Variants in KIAA1549L observed in about 807,000 individuals in gnomAD.
KIAA1549L encodes UPF0606 protein KIAA1549L.
A neutral mutation model predicts 160.7 loss-of-function variants in KIAA1549L; 88 were observed. The ratio of observed to expected loss-of-function variants is 0.55; its 90% CI spans 0.46 to 0.65. KIAA1549L has a LOEUF of 0.65. Ranked by LOEUF, KIAA1549L falls within the 30% of genes least tolerant of loss-of-function variation. KIAA1549L has a pLI of 0.00. For missense variants in KIAA1549L, 2,258 were observed against 2,437.5 expected (o/e 0.93, Z 1.55); for synonymous variants, 950 against 976.7 (o/e 0.97, Z 0.51).
intron 1 of KIAA1549L, among the ~76,000 whole-genome samples, chr11:33,445,866 A>G (rs2132957777): frequency 6.6e-6 from 1 of 152,334 alleles, no homozygotes; most frequent in Non-Finnish European, 1.5e-5. Flanking sequence ...GGGACACAAC[A>G]GGAAGACAGC....
chr11:33,412,994 C>T (rs1850813258), intron 1 of KIAA1549L, among the ~76,000 whole-genome samples: 1 of 152,092 alleles, frequency 6.6e-6, no homozygotes, highest in East Asian at 1.9e-4. Flanking sequence ...GTAATAAATA[C>T]ATGATCTTGG....
Position 33,661,011 on chromosome 11 carries a change from T to A in KIAA1549L, c.6156T>A (p.Asp2052Glu), listed in dbSNP as rs369805716. 21 of 1,608,124 alleles carry A rather than the reference T, an allele frequency of 1.3e-5. No individual in the cohort carries two copies. The highest frequency in any genetic ancestry group is 1.5e-5 in the Non-Finnish European group (18 of 1,177,124). ...GENELPSQWADSVPLPGYIEA... is the reference protein window; with the variant it reads ...GENELPSQWAESVPLPGYIEA... ...ATGAGCTCCCGAGCCAGTGGGCAGATTCGGTGAGACCCTTGCTCTTCACCT... is the reference window on the plus strand; with the variant it reads ...ATGAGCTCCCGAGCCAGTGGGCAGAATCGGTGAGACCCTTGCTCTTCACCT... The change falls in exon 20 of 21, where the codon GAT (aspartate) becomes GAA (glutamate). Residue 2052 changes from aspartate (D) to glutamate (E), a missense_variant. Coordinates refer to ENST00000658780, the MANE Select transcript of KIAA1549L (RefSeq NM_012194.3).
intron 10 of KIAA1549L, among the ~76,000 whole-genome samples, chr11:33,579,252 G>T (rs1855556577): frequency 6.6e-6 from 1 of 152,100 alleles, no homozygotes; most frequent in African/African-American, 2.4e-5. Flanking sequence ...TGCAGTCCTG[G>T]GGCACCTGTT....
intron 1 of KIAA1549L, among the ~76,000 whole-genome samples, chr11:33,535,443 C>T (rs760669731): frequency 3.9e-5 from 6 of 152,012 alleles, no homozygotes; most frequent in Admixed American, 2.0e-4. Context: ...GAGGTCATGG[C>T]GGGAAGATCA....
At chr11:33,561,153 T>C (rs183862852) in intron 7 of KIAA1549L, among the ~76,000 whole-genome samples, 195 of 152,334 alleles carry the variant, frequency 1.3e-3, no homozygotes, top group African/African-American at 4.5e-3. Flanking sequence ...TGAAAAAATC[T>C]ATCCAGGAGA....
chr11:33,529,809 C>G (rs1165079838), intron 1 of KIAA1549L, among the ~76,000 whole-genome samples: 2 of 152,120 alleles, frequency 1.3e-5, no homozygotes, highest in African/African-American at 4.8e-5. Context: ...AGCTATCATA[C>G]TAAGCAGAAA....
chr11:33,394,395 A>T (rs200540905), intron 1 of KIAA1549L, among the ~76,000 whole-genome samples: 7 of 57,624 alleles, frequency 1.2e-4, no homozygotes, highest in East Asian at 5.4e-4. Context: ...CATAAATAAT[A>T]AATAAATAAA....
At chr11:33,577,066 C>A (rs1855474594) in intron 10 of KIAA1549L, among the ~76,000 whole-genome samples, 1 of 152,094 alleles carries the variant, frequency 6.6e-6, no homozygotes, top group South Asian at 2.1e-4. Flanking sequence ...AGGACACTGA[C>A]CAGGAGCAGC....
At chr11:33,385,353 T>C (rs1373208791) in intron 1 of KIAA1549L, among the ~76,000 whole-genome samples, 1 of 152,232 alleles carries the variant, frequency 6.6e-6, no homozygotes, top group South Asian at 2.1e-4. Flanking sequence ...ACGTCAGCAC[T>C]ATTAACATTT....
chr11:33,506,179 A>C (rs1057387171), intron 1 of KIAA1549L, among the ~76,000 whole-genome samples: 7 of 152,142 alleles, frequency 4.6e-5, no homozygotes, highest in African/African-American at 1.4e-4. Flanking sequence ...TTCTGGAAAG[A>C]GCTCTGCACC....
chr11:33,465,222 A>G, intron 1 of KIAA1549L, among the ~76,000 whole-genome samples: 1 of 151,290 alleles, frequency 6.6e-6, no homozygotes, highest in Non-Finnish European at 1.5e-5. Context: ...ATGCCTTGCT[A>G]TTTTGTATTT....
chr11:33,445,041 A>T (rs1851583240), intron 1 of KIAA1549L, among the ~76,000 whole-genome samples: 1 of 152,216 alleles, frequency 6.6e-6, no homozygotes. Flanking sequence ...AAGTCCAGGG[A>T]TGCAGAAATA....
At position 33,628,916 on chromosome 11, in the gene KIAA1549L, G is replaced by A. The variant is rs536449896; in HGVS notation, c.5409+10254G>A. ...TACATTTTGGCATGATTTTGCATCG[G>A]CTGGTACCGGTTGTTCCTTTCCATG... On this transcript the variant is annotated intron_variant, in intron 16 of 20. Coordinates refer to ENST00000658780, the MANE Select transcript of KIAA1549L (RefSeq NM_012194.3). Among the ~76,000 whole-genome samples, 7 of 151,846 alleles carry A rather than the reference G, an allele frequency of 4.6e-5. No homozygotes were observed. In the East Asian group the frequency reaches 1.3e-3, roughly 29 times the overall value.
intron 13 of KIAA1549L, among the ~76,000 whole-genome samples, chr11:33,600,732 A>G (rs1265877575): frequency 6.6e-6 from 1 of 152,194 alleles, no homozygotes; most frequent in Non-Finnish European, 1.5e-5. Flanking sequence ...ATACACATGT[A>G]TCTTTGTTTT....
chr11:33,424,120 T>C (rs1851072180), intron 1 of KIAA1549L, among the ~76,000 whole-genome samples: 1 of 151,712 alleles, frequency 6.6e-6, no homozygotes, highest in African/African-American at 2.4e-5. Flanking sequence ...ATCAAAGCAA[T>C]GGCTAGCAAG....
At chr11:33,617,555 AGAGAGGCCTTCCCT>A (rs1564926258) in intron 15 of KIAA1549L, among the ~76,000 whole-genome samples, 1 of 152,210 alleles carries the variant, frequency 6.6e-6, no homozygotes, top group Admixed American at 6.5e-5. Context: ...TCACCTCCCC[AGAGAGGCCTTCCCT>A]GATCATCCTA....
At chr11:33,534,294 G>A (rs955944208) in intron 1 of KIAA1549L, among the ~76,000 whole-genome samples, 1 of 150,514 alleles carries the variant, frequency 6.6e-6, no homozygotes, top group African/African-American at 2.5e-5. Flanking sequence ...GTTTCACCGT[G>A]TTGGTCAGGC....
intron 1 of KIAA1549L, among the ~76,000 whole-genome samples, chr11:33,416,103 C>G (rs1002581648): frequency 6.6e-6 from 1 of 152,076 alleles, no homozygotes; most frequent in Admixed American, 6.6e-5. Context: ...CCCCAGACAC[C>G]ATAGGGGGAG....
intron 12 of KIAA1549L, among the ~76,000 whole-genome samples, chr11:33,596,589 A>T (rs1049919127): frequency 6.6e-6 from 1 of 152,162 alleles, no homozygotes; most frequent in African/African-American, 2.4e-5. Flanking sequence ...ATACTAAAAA[A>T]TTAGCCTGGC....
Sources: allele counts gnomAD v4.1 joint callset (sites outside exome capture counted in the v4.1 genomes callset), GRCh38; gene constraint gnomAD v4.1.1; transcripts MANE v1.5; gene names NCBI Gene and HGNC (gene_info 2026-07-23, HGNC 2026-07-21).